Variants in SPRED2 observed in about 807,000 individuals in gnomAD.
SPRED2 encodes sprouty related EVH1 domain containing 2.
Under a neutral mutation model 43.0 loss-of-function variants are expected in SPRED2, and 47 were observed. The ratio of observed to expected loss-of-function variants is 1.09; its 90% confidence interval spans 0.87 to 1.40. The LOEUF is 1.40. Among genes scored for constraint, SPRED2 ranks in the 40% most tolerant of loss-of-function variants. The pLI, the probability that SPRED2 is intolerant of heterozygous loss-of-function variation, is 0.00. For missense variants in SPRED2, 561 were observed against 586.4 expected, an observed-to-expected ratio of 0.96 and a Z score of 0.45; for synonymous variants, 225 against 225.7, an observed-to-expected ratio of 1.00 and a Z score of 0.03.
chr2:65,397,620 T>C (rs953192244), intron 1 of SPRED2, among the ~76,000 whole-genome samples: 3 of 151,824 alleles, frequency 2.0e-5, no homozygotes, highest in Non-Finnish European at 4.4e-5. Flanking sequence ...TTTTTTTTTT[T>C]TTTTTTGCCC....
chr2:65,315,382 T>C (rs911213797), intron 5 of SPRED2, among the ~76,000 whole-genome samples: 1 of 152,170 alleles, frequency 6.6e-6, no homozygotes, highest in Non-Finnish European at 1.5e-5. Context: ...TTGATAACTC[T>C]CGCCATCACA....
intron 4 of SPRED2, among the ~76,000 whole-genome samples, chr2:65,330,745 C>T (rs1422677015): frequency 1.3e-5 from 2 of 152,086 alleles, no homozygotes; most frequent in Non-Finnish European, 2.9e-5. Context: ...GTGTCACTGC[C>T]CTTAAATTCC....
intron 1 of SPRED2, among the ~76,000 whole-genome samples, chr2:65,347,577 A>T (rs1674390058): frequency 6.6e-6 from 1 of 152,086 alleles, no homozygotes; most frequent in Non-Finnish European, 1.5e-5. Flanking sequence ...GCTTTGTACC[A>T]GCACTCTCTC....
intron 1 of SPRED2, among the ~76,000 whole-genome samples, chr2:65,421,581 T>G (rs548098883): frequency 3.3e-5 from 5 of 152,336 alleles, no homozygotes; most frequent in African/African-American, 1.2e-4. Flanking sequence ...CACAATGCTG[T>G]GTTAGCCACA....
intron 1 of SPRED2, among the ~76,000 whole-genome samples, chr2:65,406,275 A>G (rs1183897182): frequency 1.3e-5 from 2 of 152,144 alleles, no homozygotes; most frequent in Admixed American, 1.3e-4. Context: ...AGGATTTCTT[A>G]ATACTTGACA....
intron 2 of SPRED2, among the ~76,000 whole-genome samples, chr2:65,338,664 G>T (rs1170025073): frequency 2.6e-5 from 4 of 151,648 alleles, no homozygotes; most frequent in Admixed American, 1.3e-4. Context: ...CCACCTCCCA[G>T]CCGCCTGCCT....
chr2:65,413,787 C>G (rs919652725), intron 1 of SPRED2, among the ~76,000 whole-genome samples: 1 of 152,208 alleles, frequency 6.6e-6, no homozygotes, highest in African/African-American at 2.4e-5. Context: ...GCCCTAACTC[C>G]AAAGCTTATC....
chr2:65,411,632 G>C (rs181380427), intron 1 of SPRED2, among the ~76,000 whole-genome samples: 5 of 152,288 alleles, frequency 3.3e-5, no homozygotes, highest in Non-Finnish European at 7.3e-5. Flanking sequence ...AATTGACTTT[G>C]AGTTAAGTGG....
At chr2:65,329,649 C>T (rs527540672) in intron 4 of SPRED2, among the ~76,000 whole-genome samples, 7 of 152,298 alleles carry the variant, frequency 4.6e-5, no homozygotes, top group African/African-American at 1.4e-4. Flanking sequence ...CTTTCCCTCT[C>T]ACCCTCTTCT....
At chr2:65,357,621 C>T (rs17030202) in intron 1 of SPRED2, among the ~76,000 whole-genome samples, 7,844 of 152,142 alleles carry the variant, frequency 0.052, 295 homozygotes, top group Middle Eastern at 0.15. Context: ...TTATCTTGGT[C>T]CCTTGAAATT....
intron 1 of SPRED2, among the ~76,000 whole-genome samples, chr2:65,349,812 C>G (rs1052030262): frequency 7.2e-5 from 11 of 152,242 alleles, no homozygotes; most frequent in African/African-American, 2.7e-4. Flanking sequence ...TCGATGCCTC[C>G]TATCAAGTGC....
At chr2:65,359,471 C>G (rs984016465) in intron 1 of SPRED2, among the ~76,000 whole-genome samples, 2 of 150,190 alleles carry the variant, frequency 1.3e-5, no homozygotes, top group Admixed American at 1.4e-4. Context: ...AGCCAACTAG[C>G]TTGTGGAGGC....
chr2:65,329,053 G>A (rs867427559), intron 4 of SPRED2, among the ~76,000 whole-genome samples: 1 of 152,192 alleles, frequency 6.6e-6, no homozygotes, highest in Non-Finnish European at 1.5e-5. Flanking sequence ...TGGTGCTTTG[G>A]TTTTAACTAT....
rs1673095125 is a variant in SPRED2, at chr2:65,312,444, G to A, written c.*1057C>T. On this transcript the variant is annotated 3_prime_UTR_variant, in exon 6 of 6. Coordinates refer to ENST00000356388, the MANE Select transcript of SPRED2 (RefSeq NM_181784.3). Reference sequence around the variant, plus strand: ...CCCCTCTCCCCATTAATATAAAATAGCCAGGGGTTGGGGGGAAGAAGCTCC... The same window carrying A: ...CCCCTCTCCCCATTAATATAAAATAACCAGGGGTTGGGGGGAAGAAGCTCC... The A allele has an allele frequency of 3.0e-6, 3 of 985,324 alleles. No individual in the cohort carries two copies. The highest frequency in any genetic ancestry group is 1.2e-4 in the Admixed American group (2 of 16,268). The allele number at this position is 985,324 out of a possible 1,614,324, so 61.0% of individuals were successfully genotyped here. A position where few individuals can be genotyped will look rare whatever the true frequency, so the allele number is the denominator to read the frequency against.
At position 65,311,930 on chromosome 2, in the gene SPRED2, G is replaced by A. The variant is rs1050319704; in HGVS notation, c.*1571C>T. On this transcript the variant is annotated 3_prime_UTR_variant, in exon 6 of 6. Coordinates refer to ENST00000356388, the MANE Select transcript of SPRED2 (RefSeq NM_181784.3). ...CCTGTGTGCAATAAAGAAGGAGTGG[G>A]GAAAGGGAGTGGGGAGCAGGCCATG... 1.0e-6 allele frequency: 1 copy of A among 985,372 alleles called. No individual in the cohort carries two copies. The highest frequency in any genetic ancestry group is 1.7e-5 in the African/African-American group (1 of 57,318). 61.0% of individuals were successfully genotyped at this position (985,372 alleles called of 1,614,324 possible).
At chr2:65,334,067 C>T in intron 3 of SPRED2, 1 of 370,070 alleles carries the variant, frequency 2.7e-6, no homozygotes. Flanking sequence ...TGCCCAAGGG[C>T]CCTCCAGGCC....
At chr2:65,319,732 A>C (rs953310709) in intron 4 of SPRED2, among the ~76,000 whole-genome samples, 2 of 151,370 alleles carry the variant, frequency 1.3e-5, no homozygotes, top group South Asian at 4.2e-4. Flanking sequence ...CCAGGCCCTG[A>C]GCTACTTGTG....
chr2:65,334,244 C>G (rs567214560), intron 3 of SPRED2: 2 of 474,246 alleles, frequency 4.2e-6, no homozygotes, highest in Non-Finnish European at 8.7e-6. Context: ...CTTCTGGGCC[C>G]GCCAGAATCC....
chr2:65,337,961 GTTT>G lies in SPRED2; in HGVS notation c.205-3191_205-3189del, dbSNP rs1173590005. 5.3e-5 allele frequency among the ~76,000 whole-genome samples: 8 copies of G among 152,262 alleles called. No individual in the cohort carries two copies. The East Asian group carries it at 1.5e-3, about 29-fold the overall frequency. On this transcript the variant is annotated intron_variant, in intron 2 of 5. Coordinates refer to ENST00000356388, the MANE Select transcript of SPRED2 (RefSeq NM_181784.3). Reference sequence around the variant, plus strand: ...GTCAGTGGCGATATTAAGAAATGTAGTTTTTTTATATTAATGAGTTAGTGGCAA... The same window carrying G: ...GTCAGTGGCGATATTAAGAAATGTAGTTTTATATTAATGAGTTAGTGGCAA...
Sources: gnomAD v4.1 joint callset for allele counts (sites outside exome capture counted in the v4.1 genomes callset) on GRCh38, gnomAD v4.1.1 for gene constraint, MANE v1.5 for transcripts, NCBI Gene and HGNC (gene_info 2026-07-23, HGNC 2026-07-21) for gene names.